Variants in ZNF577 observed in about 807,000 individuals in gnomAD.
ZNF577 encodes the protein zinc finger protein 577.
A neutral mutation model predicts 13.9 loss-of-function variants in ZNF577; 14 were observed. The observed-to-expected ratio is 1.00, with a 90% confidence interval of 0.66 to 1.57. The LOEUF is 1.57. Ranked by LOEUF, ZNF577 falls within the 40% of genes most tolerant of loss-of-function variation. The pLI is 0.00. For synonymous variants in ZNF577, 203 were observed against 202.9 expected (o/e 1.00, Z 0.00); for missense variants, 555 against 579.2 (o/e 0.96, Z 0.43).
At chr19:51,879,559 G>T (rs2084827525) in intron 3 of ZNF577, among the ~76,000 whole-genome samples, 1 of 152,182 alleles carries the variant, frequency 6.6e-6, no homozygotes, top group South Asian at 2.1e-4. Flanking sequence ...GACACAGCAA[G>T]ACTCCAACTT....
At chr19:51,861,092 T>G (rs2084493449) in intron 5 of ZNF577, 1 of 357,686 alleles carries the variant, frequency 2.8e-6, no homozygotes, top group Non-Finnish European at 5.2e-6. Context: ...TGACAATCAC[T>G]GCACTCATAA....
chr19:51,853,842 A>G (rs1293342824), intron 5 of ZNF577, among the ~76,000 whole-genome samples: 2 of 152,182 alleles, frequency 1.3e-5, no homozygotes, highest in Non-Finnish European at 2.9e-5. Context: ...TTTGTAGGAC[A>G]ATACATTATT....
chr19:51,841,210 C>A (rs997138153), intron 8 of ZNF577, among the ~76,000 whole-genome samples: 3 of 152,194 alleles, frequency 2.0e-5, no homozygotes, highest in East Asian at 1.9e-4. Context: ...CATGTCCCCC[C>A]AGGCCCCTCT....
rs181024500 is a variant in ZNF577 at position 51,882,566 on chromosome 19, G to C, written c.-218-1689C>G. Among the ~76,000 whole-genome samples, 49 of 151,966 alleles carry C rather than the reference G, an allele frequency of 3.2e-4. No individual in the cohort carries two copies. The East Asian group carries it at 6.2e-3, about 19-fold the overall frequency. On this transcript the variant is annotated intron_variant, in intron 1 of 5. Transcript: ENST00000638348. ...GGAGGTGAAGGCAGGAGAATTCCTTGAGGCCAGGAGTTCAAAACCAGCCTG... is the reference window on the plus strand; with the variant it reads ...GGAGGTGAAGGCAGGAGAATTCCTTCAGGCCAGGAGTTCAAAACCAGCCTG...
chr19:51,813,383 T>A (rs904516182), intron 9 of ZNF577, among the ~76,000 whole-genome samples: 1 of 152,150 alleles, frequency 6.6e-6, no homozygotes, highest in African/African-American at 2.4e-5. Flanking sequence ...TTTAATACCA[T>A]CACCTTGGTA....
chr19:51,854,332 G>A (rs1472202881), intron 5 of ZNF577, among the ~76,000 whole-genome samples: 1 of 148,600 alleles, frequency 6.7e-6, no homozygotes, highest in African/African-American at 2.6e-5. Flanking sequence ...ATGCTATTTG[G>A]ATTTTTTTTT....
Position 51,879,847 on chromosome 19 carries a change from A to G in ZNF577, c.60+476T>C, listed in dbSNP as rs147959855. 1.7e-3 allele frequency among the ~76,000 whole-genome samples: 254 copies of G among 152,290 alleles called. 1 individual carries two copies. Among genetic ancestry groups the G allele is most frequent in the Non-Finnish European group, 3.3e-3 (225 of 68,022 alleles). On this transcript the variant is annotated intron_variant, in intron 3 of 5. Transcript: ENST00000638348. ...TAGCCATGTATCATTTCAGTAATTA[A>G]ACATAGAAAAAGCAAAACAAGCCGA...
intron 1 of ZNF577, among the ~76,000 whole-genome samples, chr19:51,882,057 C>T (rs543486584): frequency 6.6e-6 from 1 of 152,126 alleles, no homozygotes; most frequent in Admixed American, 6.5e-5. Flanking sequence ...ATCCTGAGAC[C>T]GCTTCATCCC....
At position 51,869,775 on chromosome 19, in the gene ZNF577, C is replaced by T. The variant is rs1464325844; in HGVS notation, c.*2757G>A. On this transcript the variant is annotated 3_prime_UTR_variant, in exon 6 of 6. Transcript: ENST00000638348. Reference sequence around the variant, plus strand: ...GGCTAAACAGTCAAGACACACCAGCCGCTAACTAGAATAAGTTGTTAGGCC... The same window carrying T: ...GGCTAAACAGTCAAGACACACCAGCTGCTAACTAGAATAAGTTGTTAGGCC... Among the ~76,000 whole-genome samples the T allele has an allele frequency of 6.6e-6, 1 of 152,206 alleles. No individual in the cohort carries two copies. Among genetic ancestry groups the T allele is most frequent in the Admixed American group, 6.5e-5 (1 of 15,282 alleles).
chr19:51,858,448 G>C (rs1342077812), intron 5 of ZNF577, among the ~76,000 whole-genome samples: 2 of 152,142 alleles, frequency 1.3e-5, no homozygotes, highest in Admixed American at 6.5e-5. Flanking sequence ...AACACACACA[G>C]AAAAATGTTG....
At chr19:51,814,572 C>A (rs535462131) in intron 9 of ZNF577, among the ~76,000 whole-genome samples, 2 of 152,244 alleles carry the variant, frequency 1.3e-5, no homozygotes, top group South Asian at 4.2e-4. Flanking sequence ...CGGCTCACTG[C>A]AACCTCCATC....
In ZNF577 at chr19:51,870,194, T is replaced by G. The variant is rs896470612; in HGVS notation, c.*2338A>C. On this transcript the variant is annotated 3_prime_UTR_variant, in exon 6 of 6. Transcript: ENST00000638348. ...TTTATAGCAGCTATTTCTAACATCCTTTTCTGCTATAAGTGTGCCACTTCT... is the reference window on the plus strand; with the variant it reads ...TTTATAGCAGCTATTTCTAACATCCGTTTCTGCTATAAGTGTGCCACTTCT... 6.6e-6 allele frequency among the ~76,000 whole-genome samples: 1 copy of G among 152,324 alleles called. No individual in the cohort carries two copies. The highest frequency in any genetic ancestry group is 1.5e-5 in the Non-Finnish European group (1 of 68,016).
intron 9 of ZNF577, among the ~76,000 whole-genome samples, chr19:51,821,328 T>C (rs745700280): frequency 3.9e-5 from 6 of 152,152 alleles, no homozygotes; most frequent in Admixed American, 2.6e-4. Context: ...GATGCTCAAC[T>C]GGGGGGAGTT....
At chr19:51,848,488 A>G (rs1263187684) in intron 5 of ZNF577, among the ~76,000 whole-genome samples, 2 of 152,242 alleles carry the variant, frequency 1.3e-5, no homozygotes, top group African/African-American at 4.8e-5. Flanking sequence ...ATCTTTCTCC[A>G]TACGACTGAG....
At chr19:51,859,760 TAAG>T (rs1157845547) in intron 5 of ZNF577, among the ~76,000 whole-genome samples, 2 of 152,108 alleles carry the variant, frequency 1.3e-5, no homozygotes, top group Non-Finnish European at 2.9e-5. Context: ...TTTTGATTCA[TAAG>T]AAAAAAACAT....
At chr19:51,863,483 G>A (rs1427712045), downstream of ZNF577, among the ~76,000 whole-genome samples, 3 of 152,158 alleles carry the variant, frequency 2.0e-5, no homozygotes, top group Admixed American at 1.3e-4. Context: ...TTCTGATTAT[G>A]CAAAAGAATG....
chr19:51,870,524 C>T lies in ZNF577; in HGVS notation c.*2008G>A, dbSNP rs984935439. On this transcript the variant is annotated 3_prime_UTR_variant, in exon 6 of 6. Transcript: ENST00000638348. Reference sequence around the variant, plus strand: ...CTGTGATTCTCCAAATGTTAGGAGGCGTTTCCACTCCAGCTGGTGGAAATG... The same window carrying T: ...CTGTGATTCTCCAAATGTTAGGAGGTGTTTCCACTCCAGCTGGTGGAAATG... 1.3e-5 allele frequency among the ~76,000 whole-genome samples: 2 copies of T among 152,162 alleles called. No individual in the cohort carries two copies. The highest frequency in any genetic ancestry group is 6.5e-5 in the Admixed American group (1 of 15,268).
At chr19:51,817,100 A>G (rs2084142690) in intron 9 of ZNF577, among the ~76,000 whole-genome samples, 1 of 152,168 alleles carries the variant, frequency 6.6e-6, no homozygotes, top group South Asian at 2.1e-4. Flanking sequence ...ACATTCAGAC[A>G]CATAGGTTTC....
At position 51,839,090 on chromosome 19, in the gene ZNF577, A is replaced by G. The variant is rs559406118; in HGVS notation, c.*599+803T>C. 2.0e-5 allele frequency among the ~76,000 whole-genome samples: 3 copies of G among 152,328 alleles called. No homozygotes were observed. In the South Asian group the frequency reaches 6.2e-4, roughly 32 times the overall value. Reference sequence around the variant, plus strand: ...ACCATTCCAATAATCTTCAAAAGAAATTTGCAAAGGAGATACCATCATTTT... The same window carrying G: ...ACCATTCCAATAATCTTCAAAAGAAGTTTGCAAAGGAGATACCATCATTTT... On this transcript the variant is annotated intron_variant and NMD_transcript_variant, in intron 9 of 10. Coordinates refer to the ZNF577 transcript ENST00000638827.
Sources: allele counts gnomAD v4.1 joint callset (sites outside exome capture counted in the v4.1 genomes callset), GRCh38; gene constraint gnomAD v4.1.1; transcripts MANE v1.5; gene names NCBI Gene and HGNC (gene_info 2026-07-23, HGNC 2026-07-21).